Variants in NDST3 observed in about 807,000 individuals in gnomAD.
NDST3 encodes bifunctional heparan sulfate N-deacetylase/N-sulfotransferase 3.
In NDST3, 58 loss-of-function variants were observed where a neutral mutation model predicts 96.1. That is an observed-to-expected ratio of 0.60 (90% CI 0.49 to 0.75). The LOEUF is 0.75. Among genes scored for constraint, NDST3 ranks in the 30% least tolerant of loss-of-function variants. The probability of loss-of-function intolerance (pLI) is 0.00; values close to 1 mark genes in which losing one functional copy is unlikely to be tolerated. For missense variants in NDST3, 788 were observed against 1,034.2 expected, an observed-to-expected ratio of 0.76 and a Z score of 3.27; for synonymous variants, 333 against 359.7, an observed-to-expected ratio of 0.93 and a Z score of 0.84.
chr4:118,065,864 C>G (rs1465456050), intron 2 of NDST3, among the ~76,000 whole-genome samples: 6 of 150,540 alleles, frequency 4.0e-5, no homozygotes, highest in East Asian at 2.0e-4. Context: ...CTTTTTCCCC[C>G]CTTCATACAT....
rs968464743 is a variant in NDST3 at position 118,219,583 on chromosome 4, C to A, written c.1540-4908C>A. On this transcript the variant is annotated intron_variant, in intron 6 of 13. Coordinates refer to ENST00000296499, the MANE Select transcript of NDST3 (RefSeq NM_004784.3). The stretch of plus-strand genomic sequence containing the variant: ...TGTAAAATCCAAAACCATAAAAACC[C>A]TAGAAGAAAACCTAGGCAATACCAC... Among the ~76,000 whole-genome samples, 14 of 152,158 alleles carry A rather than the reference C, an allele frequency of 9.2e-5. No individual in the cohort carries two copies. The East Asian group carries it at 2.7e-3, about 29-fold the overall frequency.
chr4:118,197,470 C>A (rs941565762), intron 6 of NDST3, among the ~76,000 whole-genome samples: 17 of 151,272 alleles, frequency 1.1e-4, no homozygotes, highest in African/African-American at 4.1e-4. Flanking sequence ...ATAATATTTT[C>A]TTTATACATC....
intron 12 of NDST3, among the ~76,000 whole-genome samples, chr4:118,246,583 G>A (rs1741327351): frequency 6.6e-6 from 1 of 151,930 alleles, no homozygotes; most frequent in Non-Finnish European, 1.5e-5. Context: ...TCCAACCTGG[G>A]GAACAAGAGC....
At chr4:118,193,604 A>AGCT in intron 6 of NDST3, 1 of 1,206,410 alleles carries the variant, frequency 8.3e-7, no homozygotes, top group Non-Finnish European at 1.2e-6. Context: ...GCACACAGCC[A>AGCT]GCTGGGCCTT....
At chr4:118,160,060 A>G (rs1359659889) in intron 6 of NDST3, among the ~76,000 whole-genome samples, 3 of 152,198 alleles carry the variant, frequency 2.0e-5, no homozygotes, top group Admixed American at 6.5e-5. Context: ...TCCAAGTTCA[A>G]GAAGGCCAAC....
In NDST3 at chr4:118,043,952, G is replaced by A. The variant is rs144048835; in HGVS notation, c.-156+9360G>A. Among the ~76,000 whole-genome samples the A allele has an allele frequency of 2.2e-3, 336 of 152,294 alleles. 1 individual carries two copies. The highest frequency in any genetic ancestry group is 7.2e-3 in the African/African-American group (300 of 41,570). ...TTAGCTTCAGAAGGAAACTTGAAGA[G>A]CTTAATAGAAAAGAAATGTCCTTCA... On this transcript the variant is annotated intron_variant, in intron 1 of 13. Transcript: ENST00000296499.
At chr4:118,049,402 C>T (rs1385193624) in intron 1 of NDST3, among the ~76,000 whole-genome samples, 1 of 150,260 alleles carries the variant, frequency 6.7e-6, no homozygotes, top group Non-Finnish European at 1.5e-5. Flanking sequence ...ATTGAGATGC[C>T]AAAATCCATA....
rs1578779451 is a variant in NDST3 at position 118,182,904 on chromosome 4, C to T, written c.1539+39220C>T. On this transcript the variant is annotated intron_variant, in intron 6 of 13. Coordinates refer to ENST00000296499, the MANE Select transcript of NDST3 (RefSeq NM_004784.3). ...CAACCTTAGAAAGCCTATGCCTGTG[C>T]TCCTTGCCCTGTGATTCTGCTGTTT... is the stretch of plus-strand genomic sequence containing the variant. Among the ~76,000 whole-genome samples, 4 of 152,162 alleles carry T rather than the reference C, an allele frequency of 2.6e-5. No homozygotes were observed. In the South Asian group the frequency reaches 8.3e-4, roughly 32 times the overall value.
intron 10 of NDST3, among the ~76,000 whole-genome samples, chr4:118,239,882 T>G (rs1186224826): frequency 6.9e-6 from 1 of 145,694 alleles, no homozygotes; most frequent in Non-Finnish European, 1.5e-5. Flanking sequence ...GGCCTAAGCC[T>G]GAGCAATCCT....
At chr4:118,126,943 A>G (rs1732146210) in intron 4 of NDST3, among the ~76,000 whole-genome samples, 1 of 152,160 alleles carries the variant, frequency 6.6e-6, no homozygotes, top group East Asian at 1.9e-4. Context: ...TCTGATGATC[A>G]GTGATGTTGA....
intron 2 of NDST3, among the ~76,000 whole-genome samples, chr4:118,076,084 T>G (rs1274759241): frequency 6.6e-6 from 1 of 152,178 alleles, no homozygotes; most frequent in Non-Finnish European, 1.5e-5. Flanking sequence ...TATGAGTTAT[T>G]GGTTGGATTT....
chr4:118,170,367 G>A (rs62326151), intron 6 of NDST3, among the ~76,000 whole-genome samples: 14,103 of 152,074 alleles, frequency 0.093, 895 homozygotes, highest in Non-Finnish European at 0.14. Flanking sequence ...TTTAATGGCA[G>A]TGTCTTGATA....
chr4:118,112,390 G>A (rs1408002779), intron 3 of NDST3, among the ~76,000 whole-genome samples: 1 of 152,166 alleles, frequency 6.6e-6, no homozygotes, highest in African/African-American at 2.4e-5. Context: ...TAAAAGCAGT[G>A]GGAGAGGAGA....
intron 2 of NDST3, among the ~76,000 whole-genome samples, chr4:118,076,635 C>T (rs1727556932): frequency 6.6e-6 from 1 of 152,132 alleles, no homozygotes; most frequent in Non-Finnish European, 1.5e-5. Flanking sequence ...AGTTTTTCAG[C>T]TCTATCAGAT....
intron 1 of NDST3, among the ~76,000 whole-genome samples, chr4:118,044,520 C>T (rs1422476758): frequency 6.6e-6 from 1 of 152,220 alleles, no homozygotes; most frequent in African/African-American, 2.4e-5. Context: ...TTTACGACTA[C>T]ATTGTGAGAA....
intron 2 of NDST3, among the ~76,000 whole-genome samples, chr4:118,092,049 C>CTTATTTATTTATTTAT (rs72446384): frequency 1.8e-5 from 1 of 54,702 alleles, no homozygotes; most frequent in Non-Finnish European, 5.4e-5. Flanking sequence ...TAGGTATTTT[C>CTTATTTATTTATTTAT]TTATTTATTT....
At chr4:118,169,808 A>G (rs111450662) in intron 6 of NDST3, among the ~76,000 whole-genome samples, 6,834 of 151,148 alleles carry the variant, frequency 0.045, 273 homozygotes, top group African/African-American at 0.11. Flanking sequence ...AAAAAAAAAA[A>G]AGAGAGCTGA....
At chr4:118,154,757 G>C (rs914905346) in intron 6 of NDST3, among the ~76,000 whole-genome samples, 2 of 152,174 alleles carry the variant, frequency 1.3e-5, no homozygotes, top group African/African-American at 2.4e-5. Flanking sequence ...CCAGAACTCT[G>C]TTCTTCCTGA....
intron 6 of NDST3, among the ~76,000 whole-genome samples, chr4:118,185,119 G>A (rs1736860565): frequency 6.6e-6 from 1 of 152,030 alleles, no homozygotes; most frequent in Non-Finnish European, 1.5e-5. Context: ...TAACATCAAA[G>A]AATGTTAAAA....
Sources: gnomAD v4.1 joint callset for allele counts (sites outside exome capture counted in the v4.1 genomes callset) on GRCh38, gnomAD v4.1.1 for gene constraint, MANE v1.5 for transcripts, NCBI Gene and HGNC (gene_info 2026-07-23, HGNC 2026-07-21) for gene names.